The following TLK1 variants were observed in gnomAD, a reference collection of about 807,000 sequenced individuals.
TLK1 encodes the protein serine/threonine-protein kinase tousled-like 1.
TLK1 carries 24 observed loss-of-function variants against 105.3 expected under a neutral mutation model. That is an observed-to-expected ratio of 0.23 (90% CI 0.17 to 0.32). The LOEUF is 0.32. TLK1 is among the 10% of genes least tolerant of loss of function. The probability of loss-of-function intolerance (pLI) is 1.00; values close to 1 mark genes in which losing one functional copy is unlikely to be tolerated. For synonymous variants in TLK1, 321 were observed against 310.4 expected (o/e 1.03, Z -0.36); for missense variants, 558 against 910.5 (o/e 0.61, Z 4.98).
At chr2:171,037,026 G>C (rs899923299) in intron 11 of TLK1, among the ~76,000 whole-genome samples, 3 of 151,814 alleles carry the variant, frequency 2.0e-5, no homozygotes, top group Non-Finnish European at 4.4e-5. Context: ...TGAATACACA[G>C]AGCAAAGAAA....
chr2:171,187,006 C>T (rs1373994854), intron 1 of TLK1, among the ~76,000 whole-genome samples: 5 of 124,708 alleles, frequency 4.0e-5, no homozygotes, highest in African/African-American at 6.2e-5. Flanking sequence ...TGCAGTGAGC[C>T]GAGATCATGC....
chr2:171,143,656 T>C (rs1437627119), intron 1 of TLK1, among the ~76,000 whole-genome samples: 1 of 150,152 alleles, frequency 6.7e-6, no homozygotes, highest in Admixed American at 6.7e-5. Flanking sequence ...TAAGCTAAGA[T>C]ATATAAATGT....
chr2:171,210,028 T>A (rs558728446), intron 1 of TLK1, among the ~76,000 whole-genome samples: 1 of 152,292 alleles, frequency 6.6e-6, no homozygotes, highest in African/African-American at 2.4e-5. Flanking sequence ...TCCTATTAGC[T>A]AATCAGGTAA....
intron 3 of TLK1, chr2:171,081,745 G>A (rs1235189948): frequency 1.0e-5 from 13 of 1,280,872 alleles, no homozygotes; most frequent in Non-Finnish European, 1.3e-5. Flanking sequence ...AGAGCCCTAT[G>A]CCATACTCCT....
intron 1 of TLK1, among the ~76,000 whole-genome samples, chr2:171,196,592 A>G (rs1447321974): frequency 1.3e-5 from 2 of 152,244 alleles, no homozygotes; most frequent in African/African-American, 4.8e-5. Context: ...CCGCTCTCGC[A>G]ACCCCTTCCC....
At chr2:171,027,746 C>T (rs1685844081) in intron 12 of TLK1, among the ~76,000 whole-genome samples, 1 of 152,188 alleles carries the variant, frequency 6.6e-6, no homozygotes, top group African/African-American at 2.4e-5. Flanking sequence ...ATAGAATAAT[C>T]TAAAGACCTT....
chr2:170,994,985 C>T (rs1393373315), intron 20 of TLK1, among the ~76,000 whole-genome samples: 1 of 152,114 alleles, frequency 6.6e-6, no homozygotes, highest in African/African-American at 2.4e-5. Flanking sequence ...AACTATTTTG[C>T]ACTTTCTTTG....
intron 1 of TLK1, among the ~76,000 whole-genome samples, chr2:171,124,268 A>G (rs921582520): frequency 6.6e-6 from 1 of 152,204 alleles, no homozygotes; most frequent in African/African-American, 2.4e-5. Context: ...TTGCCACTGA[A>G]ATGACTTTAC....
At chr2:171,169,027 GA>G (rs1692671533) in intron 1 of TLK1, among the ~76,000 whole-genome samples, 4 of 151,568 alleles carry the variant, frequency 2.6e-5, no homozygotes, top group Admixed American at 2.6e-4. Flanking sequence ...GCAGTGAGCC[GA>G]GATCTCGCCA....
chr2:170,994,245 C>T (rs1474668493), intron 20 of TLK1, among the ~76,000 whole-genome samples: 1 of 152,158 alleles, frequency 6.6e-6, no homozygotes, highest in Non-Finnish European at 1.5e-5. Flanking sequence ...AGACTTTTTT[C>T]TAGCATTTTT....
intron 1 of TLK1, among the ~76,000 whole-genome samples, chr2:171,198,303 A>G (rs1465185959): frequency 1.3e-5 from 2 of 152,366 alleles, no homozygotes; most frequent in Non-Finnish European, 1.5e-5. Flanking sequence ...TTAATATTCT[A>G]TAAATGTGTC....
In TLK1 at chr2:171,040,777, A is replaced by C. The variant is rs542271874; in HGVS notation, c.1169+5397T>G. On this transcript the variant is annotated intron_variant, in intron 11 of 20. Coordinates refer to ENST00000431350, the MANE Select transcript of TLK1 (RefSeq NM_012290.5). Reference sequence around the variant, plus strand: ...TTTTTGGTAAACATGGGGTCCTGCTATGTTGCCCAGGCTGGTCTCAAACTC... The same window carrying C: ...TTTTTGGTAAACATGGGGTCCTGCTCTGTTGCCCAGGCTGGTCTCAAACTC... Among the ~76,000 whole-genome samples, 165 of 152,052 alleles carry C rather than the reference A, an allele frequency of 1.1e-3. 1 individual carries two copies. Among genetic ancestry groups the C allele is most frequent in the South Asian group, 4.3e-3 (21 of 4,828 alleles).
intron 1 of TLK1, among the ~76,000 whole-genome samples, chr2:171,170,377 A>G (rs1692704405): frequency 6.6e-6 from 1 of 152,152 alleles, no homozygotes; most frequent in Admixed American, 6.5e-5. Context: ...AATTGAAAAT[A>G]AATTAGCTAA....
upstream of TLK1, among the ~76,000 whole-genome samples, chr2:171,161,212 G>T (rs1289962570): frequency 1.3e-5 from 2 of 150,300 alleles, no homozygotes; most frequent in Non-Finnish European, 3.0e-5. Flanking sequence ...CCGCCGCGCC[G>T]CTCGGGCTCC....
At chr2:171,101,684 T>C (rs1395290911) in intron 2 of TLK1, among the ~76,000 whole-genome samples, 1 of 152,048 alleles carries the variant, frequency 6.6e-6, no homozygotes, top group Non-Finnish European at 1.5e-5. Flanking sequence ...TGGAGGGAAA[T>C]CAGAAGGAAA....
intron 4 of TLK1, chr2:171,060,042 AGG>A: frequency 6.2e-7 from 1 of 1,606,080 alleles, no homozygotes; most frequent in South Asian, 1.1e-5. Context: ...TTTACTCCAA[AGG>A]AAGGGGGGAA....
intron 1 of TLK1, among the ~76,000 whole-genome samples, chr2:171,198,631 G>T (rs1423867059): frequency 1.3e-5 from 2 of 152,192 alleles, no homozygotes; most frequent in Non-Finnish European, 2.9e-5. Flanking sequence ...TGGCAGTGAT[G>T]AGAGTGGGAA....
intron 14 of TLK1, among the ~76,000 whole-genome samples, chr2:171,010,571 G>A (rs1463287882): frequency 1.3e-5 from 2 of 149,612 alleles, no homozygotes; most frequent in African/African-American, 5.0e-5. Flanking sequence ...ATGATAAAAG[G>A]GACCTTAGGA....
intron 1 of TLK1, among the ~76,000 whole-genome samples, chr2:171,220,558 C>T (rs563459814): frequency 3.7e-4 from 56 of 152,286 alleles, no homozygotes; most frequent in African/African-American, 1.2e-3. Flanking sequence ...GGACTATCGC[C>T]TCCCACCAAC....
Sources: allele counts gnomAD v4.1 joint callset (sites outside exome capture counted in the v4.1 genomes callset), GRCh38; gene constraint gnomAD v4.1.1; transcripts MANE v1.5; gene names NCBI Gene and HGNC (gene_info 2026-07-23, HGNC 2026-07-21).